The following CEP72 variants were observed in gnomAD, a reference collection of about 807,000 sequenced individuals.
CEP72 encodes the protein centrosomal protein 72.
In CEP72, 78 loss-of-function variants were observed where a neutral mutation model predicts 65.7. The observed-to-expected ratio is 1.19, with a 90% CI of 0.99 to 1.43. CEP72 has a LOEUF of 1.43. Ranked by LOEUF, CEP72 falls within the 40% of genes most tolerant of loss-of-function variation. The pLI is 0.00. For missense variants in CEP72, 914 were observed against 832.9 expected, an observed-to-expected ratio of 1.10 and a Z score of -1.20; for synonymous variants, 358 against 351.7, an observed-to-expected ratio of 1.02 and a Z score of -0.20.
rs201006065 is a variant in CEP72 at position 648,337 on chromosome 5, G to A, written c.1778+421G>A. Among the ~76,000 whole-genome samples the A allele has an allele frequency of 5.5e-3, 726 of 132,494 alleles. 35 individuals are homozygous for A. Among genetic ancestry groups the A allele is most frequent in the Admixed American group, 0.048 (616 of 12,848 alleles). The allele number at this position is 132,494 out of a possible 152,430, so 86.9% of individuals were successfully genotyped here. ...GGTATGACTGTGAGGCATGGACTGT[G>A]AGGTGTGACTGTGAGGTGTGACTGT... On this transcript the variant is annotated intron_variant, in intron 11 of 11. Coordinates refer to ENST00000264935, the MANE Select transcript of CEP72 (RefSeq NM_018140.4).
In CEP72 at chr5:623,308, C is replaced by T. The variant is rs1376376939; in HGVS notation, c.404-1163C>T. ...CTGCGGGAACCACGGAGGTGCGGGG[C>T]CCCGGGACGGCCTGCTGCCCTGCGT... On this transcript the variant is annotated intron_variant, in intron 3 of 11. Coordinates refer to ENST00000264935, the MANE Select transcript of CEP72 (RefSeq NM_018140.4). This position sits in a 1 kb window ranked among gnomAD's most constrained non-coding sequence, Gnocchi z 5.3. 1.3e-5 allele frequency among the ~76,000 whole-genome samples: 2 copies of T among 152,252 alleles called. No individual in the cohort carries two copies. The highest frequency in any genetic ancestry group is 1.9e-4 in the East Asian group (1 of 5,202).
Position 635,445 on chromosome 5 carries a change from G to C in CEP72, c.765G>C (p.Thr255=), listed in dbSNP as rs375299272. The C allele has an allele frequency of 1.2e-6, 2 of 1,613,974 alleles. No homozygotes were observed. The highest frequency in any genetic ancestry group is 1.7e-6 in the Non-Finnish European group (2 of 1,179,966). ...CGDSGKQGRE[T]RRSSCRGCCL... ...ACTCTGGGAAGCAGGGCCGTGAGAC[G>C]AGGAGGAGCAGCTGCAGAGGGTGCT... is the stretch of plus-strand genomic sequence containing the variant. The change falls in exon 6 of 12, where the codon ACG becomes ACC. Residue 255 remains threonine, a synonymous_variant. Transcript: ENST00000264935.
intron 3 of CEP72, chr5:665,808 C>T: frequency 1.2e-6 from 1 of 827,812 alleles, no homozygotes; most frequent in Non-Finnish European, 1.8e-6. Context: ...TCCTCAGACC[C>T]CACACCAGGC....
At chr5:637,908 G>A (rs192498235) in intron 7 of CEP72, 90 bp downstream of exon 7, 118 of 1,244,000 alleles carry the variant, frequency 9.5e-5, no homozygotes, top group Admixed American at 1.1e-4. Context: ...GATTACGCCT[G>A]CGGCACTGAC....
At chr5:612,717 T>C in intron 1 of CEP72, 1 of 820,082 alleles carries the variant, frequency 1.2e-6, no homozygotes. Context: ...TTACATCCGC[T>C]GAGAAGAGGG....
intron 3 of CEP72, chr5:665,395 G>T: frequency 1.8e-6 from 2 of 1,139,816 alleles, no homozygotes; most frequent in Non-Finnish European, 2.5e-6. Flanking sequence ...CAGCGGTGGG[G>T]CACTGGGCAA....
Position 665,315 on chromosome 5 carries a change from G to T in CEP72, n.423G>T, listed in dbSNP as rs776424574. 114 of 1,604,858 alleles carry T rather than the reference G, an allele frequency of 7.1e-5. 1 individual carries two copies. Among genetic ancestry groups the T allele is most frequent in the Non-Finnish European group, 6.7e-5 (79 of 1,176,508 alleles). On this transcript the variant is annotated non_coding_transcript_exon_variant, in exon 3 of 5. Transcript: ENST00000514507. ...TGGCTTTCTGCAAGAGGAGCAGGAG[G>T]AAGGGGGCAGGTGAGTTGCGAGCCA...
chr5:644,256 T>C (rs1405258086), intron 9 of CEP72, 43 bp from the exon 10 acceptor site: 3 of 1,599,226 alleles, frequency 1.9e-6, no homozygotes, highest in South Asian at 2.2e-5. Flanking sequence ...CGCATTTTAC[T>C]GAATTTGACT....
the CEP72 span, among the ~76,000 whole-genome samples, chr5:675,323 CGGGGGTGCAGTGTGGCT>C: frequency 2.6e-5 from 1 of 39,008 alleles, no homozygotes; most frequent in Non-Finnish European, 4.7e-5. Flanking sequence ...ACAGTGTGGC[CGGGGGTGCAGTGTGGCT>C]GGGGGTGCAG....
downstream of CEP72, among the ~76,000 whole-genome samples, chr5:667,894 G>A (rs1388851188): frequency 1.2e-5 from 1 of 82,010 alleles, no homozygotes; most frequent in South Asian, 3.7e-4. Context: ...AGAGGGGGCC[G>A]TGTGGGCGCC....
At chr5:638,116 GTGTGCCTC>G (rs1737748064) in intron 7 of CEP72, among the ~76,000 whole-genome samples, 2 of 152,218 alleles carry the variant, frequency 1.3e-5, no homozygotes, top group African/African-American at 4.8e-5. Flanking sequence ...TTTGTTGGAC[GTGTGCCTC>G]TGTGCCACAC....
At chr5:666,148 G>GCACAGGCGA (rs779696154) in intron 4 of CEP72, 17 of 1,604,312 alleles carry the variant, frequency 1.1e-5, no homozygotes, top group South Asian at 8.8e-5. Context: ...GCGACTTAGG[G>GCACAGGCGA]CTGGGCGCGG....
intron 1 of CEP72, among the ~76,000 whole-genome samples, chr5:615,146 T>TTTA (rs1490915477): frequency 6.6e-6 from 1 of 151,096 alleles, no homozygotes; most frequent in African/African-American, 2.4e-5. Context: ...TTTTTTTTTT[T>TTTA]TTTTTTGAGA....
chr5:644,611 CGT>C (rs1738293114), intron 10 of CEP72, among the ~76,000 whole-genome samples, 186 bp downstream of exon 10: 1 of 152,196 alleles, frequency 6.6e-6, no homozygotes, highest in African/African-American at 2.4e-5. Context: ...ATGGCACACA[CGT>C]GTGTCTGGGG....
At position 637,769 on chromosome 5, in the gene CEP72, C is replaced by T. The variant is rs762974032; in HGVS notation, c.1157C>T (p.Ala386Val). 40 of 1,606,886 alleles carry T rather than the reference C, an allele frequency of 2.5e-5. No individual in the cohort carries two copies. The highest frequency in any genetic ancestry group is 3.3e-5 in the Non-Finnish European group (39 of 1,176,130). The change falls in exon 7 of 12, where the codon GCC becomes GTC. Residue 386 changes from alanine to valine, a missense_variant. Coordinates refer to ENST00000264935, the MANE Select transcript of CEP72 (RefSeq NM_018140.4). ...GGGAGGACCTTGTCTCAGCCTGAGG[C>T]CTCGGAGACTGAGGAGCAGAGGTCT... ...RNGRTLSQPE[A>V]SETEEQRSRG...
At chr5:615,186 A>G (rs10075962) in intron 1 of CEP72, among the ~76,000 whole-genome samples, 5,526 of 134,460 alleles carry the variant, frequency 0.041, 322 homozygotes, top group African/African-American at 0.15. Flanking sequence ...CCCAGGCTGG[A>G]GTGCAGTGGC....
intron 10 of CEP72, 56 bp downstream of exon 10, chr5:644,481 A>C: frequency 6.3e-7 from 1 of 1,584,540 alleles, no homozygotes; most frequent in South Asian, 1.1e-5. Context: ...AAATGTGCCT[A>C]GGTAGACTTT....
chr5:617,869 C>T (rs1736096269), intron 1 of CEP72, among the ~76,000 whole-genome samples: 1 of 152,166 alleles, frequency 6.6e-6, no homozygotes. Flanking sequence ...CATCTGAAAA[C>T]AAAAACAAAA....
intron 6 of CEP72, among the ~76,000 whole-genome samples, chr5:636,972 G>T (rs1226676259): frequency 6.6e-6 from 1 of 152,176 alleles, no homozygotes; most frequent in Non-Finnish European, 1.5e-5. Flanking sequence ...GCAGGCTGTG[G>T]TGGAGGCCAA....
Sources: allele counts gnomAD v4.1 joint callset (sites outside exome capture counted in the v4.1 genomes callset), GRCh38; gene constraint gnomAD v4.1.1; non-coding constraint Gnocchi (gnomAD v3.1); transcripts MANE v1.5; gene names NCBI Gene and HGNC (gene_info 2026-07-23, HGNC 2026-07-21).